The following PUDP variants were observed in gnomAD, a reference collection of about 807,000 sequenced individuals.
The protein encoded by PUDP is pseudouridine-5'-phosphatase.
In PUDP, 8 loss-of-function variants were observed where a neutral mutation model predicts 9.4. The observed-to-expected ratio is 0.85, with a 90% CI of 0.50 to 1.53. The LOEUF (loss-of-function observed/expected upper bound fraction) is 1.53, where lower values mean the gene tolerates loss of function less well. PUDP is among the 40% of genes most tolerant of loss of function. The pLI, the probability that PUDP is intolerant of heterozygous loss-of-function variation, is 0.00. For synonymous variants in PUDP, 99 were observed against 80.7 expected (o/e 1.23, Z -1.22); for missense variants, 188 against 189.7 (o/e 0.99, Z 0.05).
At chrX:6,783,314 T>A (rs924433619) in intron 3 of PUDP, among the ~76,000 whole-genome samples, 1 of 111,893 alleles carries the variant, frequency 8.9e-6, no homozygotes, top group African/African-American at 3.2e-5. Context: ...ACAAGTTTTG[T>A]ACCTACCGGT....
intron 1 of PUDP, among the ~76,000 whole-genome samples, chrX:7,119,462 T>G (rs1932282159): frequency 8.9e-6 from 1 of 112,732 alleles, no homozygotes; most frequent in South Asian, 3.7e-4. Context: ...AGCATAAAAT[T>G]AAGAGTCTCA....
intron 1 of PUDP, among the ~76,000 whole-genome samples, chrX:7,037,608 T>C (rs1929870558): frequency 8.9e-6 from 1 of 112,420 alleles, no homozygotes; most frequent in Non-Finnish European, 1.9e-5. Context: ...TACACTTGGC[T>C]ATCTTCCTGC....
intron 1 of PUDP, among the ~76,000 whole-genome samples, chrX:7,002,925 A>C (rs1929347177): frequency 9.1e-6 from 1 of 110,312 alleles, no homozygotes; most frequent in South Asian, 4.1e-4. Context: ...AGCACCGAGA[A>C]AAAGGAGGCA....
At chrX:7,039,454 A>C (rs1313875842) in intron 1 of PUDP, among the ~76,000 whole-genome samples, 1 of 112,077 alleles carries the variant, frequency 8.9e-6, no homozygotes, top group Non-Finnish European at 1.9e-5. Flanking sequence ...ATGGGTCATT[A>C]AGGAGGAAAT....
intron 3 of PUDP, among the ~76,000 whole-genome samples, chrX:6,852,702 A>AT (rs888236108): frequency 1.8e-5 from 2 of 111,973 alleles, no homozygotes; most frequent in Non-Finnish European, 3.8e-5. Flanking sequence ...TATTTTTAAT[A>AT]TTTTTTAATA....
chrX:6,808,872 A>G (rs913044362), intron 3 of PUDP, among the ~76,000 whole-genome samples: 3 of 112,502 alleles, frequency 2.7e-5, no homozygotes, highest in African/African-American at 9.7e-5. Context: ...AATAGTCCCT[A>G]TTCTCAAAGA....
chrX:7,127,215 GCA>G (rs1309500080), intron 1 of PUDP, among the ~76,000 whole-genome samples: 2 of 112,127 alleles, frequency 1.8e-5, no homozygotes, highest in Non-Finnish European at 3.8e-5. Context: ...TTCTCAAAGA[GCA>G]ACTGACCTTT....
chrX:7,022,169 TC>T (rs1806182038), intron 1 of PUDP, among the ~76,000 whole-genome samples: 1 of 111,286 alleles, frequency 9.0e-6, no homozygotes, highest in African/African-American at 3.3e-5. Flanking sequence ...AAGGGCATGG[TC>T]CGAAGTCCAC....
At chrX:6,846,364 C>T (rs67222077) in intron 3 of PUDP, among the ~76,000 whole-genome samples, 30,481 of 101,097 alleles carry the variant, frequency 0.3, 3,736 homozygotes, top group South Asian at 0.37. Flanking sequence ...GAGCGGAGAT[C>T]GTGCCACGGC....
rs551217144 is a variant in PUDP at position 6,856,220 on chromosome X, A to G, written c.*247+120913T>C. The stretch of plus-strand genomic sequence containing the variant: ...GGATGGAGGTAACTGGACCCTCAGG[A>G]AAGCAAAGATCACATGGTGACCACC... On this transcript the variant is annotated intron_variant and NMD_transcript_variant, in intron 3 of 3. Transcript: ENST00000655425. Among the ~76,000 whole-genome samples, 53 of 111,888 alleles carry G rather than the reference A, an allele frequency of 4.7e-4. 1 individual carries two copies. The South Asian group carries it at 0.019, about 41-fold the overall frequency.
chrX:6,900,405 C>T (rs1225821181), intron 3 of PUDP, among the ~76,000 whole-genome samples: 3 of 106,826 alleles, frequency 2.8e-5, no homozygotes, highest in Non-Finnish European at 5.8e-5. Flanking sequence ...GCACAGGATG[C>T]TCCCCGCCTC....
chrX:6,988,911 A>G (rs1466347695), intron 1 of PUDP, among the ~76,000 whole-genome samples: 1 of 110,489 alleles, frequency 9.1e-6, no homozygotes, highest in East Asian at 2.9e-4. Flanking sequence ...TAACTTCACC[A>G]CTCAGTCAGT....
intron 1 of PUDP, among the ~76,000 whole-genome samples, chrX:7,036,714 G>C (rs966568585): frequency 2.7e-5 from 3 of 110,925 alleles, no homozygotes; most frequent in Non-Finnish European, 5.7e-5. Flanking sequence ...CTCTCTCTCT[G>C]AGATTCTGAG....
At chrX:7,115,827 G>A (rs192369569) in intron 1 of PUDP, among the ~76,000 whole-genome samples, 2 of 112,563 alleles carry the variant, frequency 1.8e-5, no homozygotes, top group East Asian at 2.8e-4. Context: ...GTGGCTGCAA[G>A]GGGGAGCTGG....
chrX:6,752,051 A>G (rs1364134170), intron 3 of PUDP, among the ~76,000 whole-genome samples: 1 of 110,648 alleles, frequency 9.0e-6, no homozygotes, highest in African/African-American at 3.3e-5. Context: ...GTGGTGCTTT[A>G]TTCTTCTCAA....
chrX:7,095,220 C>T (rs1046127303), intron 2 of PUDP, among the ~76,000 whole-genome samples: 3 of 112,340 alleles, frequency 2.7e-5, no homozygotes, highest in Admixed American at 9.4e-5. Flanking sequence ...CACCTGGGTT[C>T]GAGGCCAGCC....
chrX:6,828,338 AC>A (rs1926454534), intron 3 of PUDP, among the ~76,000 whole-genome samples: 1 of 108,488 alleles, frequency 9.2e-6, no homozygotes, highest in East Asian at 2.9e-4. Flanking sequence ...CCCTACACAC[AC>A]AAACTTATGA....
chrX:6,759,788 G>A (rs144601722), intron 3 of PUDP, among the ~76,000 whole-genome samples: 318 of 112,051 alleles, frequency 2.8e-3, no homozygotes, highest in Non-Finnish European at 4.8e-3. Flanking sequence ...CATGAATTCT[G>A]TTGGCAAAAG....
upstream of PUDP, among the ~76,000 whole-genome samples, chrX:6,724,436 A>T (rs1295037218): frequency 9.4e-6 from 1 of 106,211 alleles, no homozygotes; most frequent in African/African-American, 3.4e-5. Flanking sequence ...ATTCTTCATG[A>T]CATTTTCATG....
Sources: allele counts gnomAD v4.1 joint callset (sites outside exome capture counted in the v4.1 genomes callset), GRCh38; gene constraint gnomAD v4.1.1; transcripts MANE v1.5; gene names NCBI Gene and HGNC (gene_info 2026-07-23, HGNC 2026-07-21).